COL5A2: variants seen among roughly 807,000 people sequenced by gnomAD.
The protein encoded by COL5A2 is collagen alpha-2(V) chain.
In COL5A2, 23 loss-of-function variants were observed where a neutral mutation model predicts 208.2. The ratio of observed to expected loss-of-function variants is 0.11; its 90% confidence interval spans 0.08 to 0.16. The LOEUF is 0.16. Among genes scored for constraint, COL5A2 ranks in the 10% least tolerant of loss-of-function variants. COL5A2 has a pLI of 1.00. For synonymous variants in COL5A2, 625 were observed against 628.5 expected, an observed-to-expected ratio of 0.99 and a Z score of 0.08; for missense variants, 1,590 against 1,956.4, an observed-to-expected ratio of 0.81 and a Z score of 3.53.
the COL5A2 span, among the ~76,000 whole-genome samples, chr2:189,410,508 A>G: frequency 6.6e-6 from 1 of 152,110 alleles, no homozygotes; most frequent in Non-Finnish European, 1.5e-5. Context: ...CGAGGCTGCA[A>G]TGAGCTATGA....
At chr2:189,124,291 G>A (rs1405341685) in intron 1 of COL5A2, among the ~76,000 whole-genome samples, 4 of 151,942 alleles carry the variant, frequency 2.6e-5, no homozygotes, top group Admixed American at 2.6e-4. Context: ...GCTAATATCC[G>A]GTGAAATTCC....
At chr2:189,247,835 A>G in the COL5A2 span, among the ~76,000 whole-genome samples, 2 of 152,124 alleles carry the variant, frequency 1.3e-5, no homozygotes, top group Non-Finnish European at 2.9e-5. Context: ...GCATCTCAGC[A>G]TCCCAAAGTG....
intron 1 of COL5A2, among the ~76,000 whole-genome samples, chr2:189,127,285 T>C (rs1687625631): frequency 6.6e-6 from 1 of 152,118 alleles, no homozygotes; most frequent in Non-Finnish European, 1.5e-5. Flanking sequence ...AGATTTCTGA[T>C]GGCCTTCAGT....
chr2:189,175,334 A>G (rs940011355), intron 1 of COL5A2, among the ~76,000 whole-genome samples: 3 of 151,920 alleles, frequency 2.0e-5, no homozygotes, highest in Non-Finnish European at 4.4e-5. Context: ...TTTGTTTTCC[A>G]TCCTCTATCC....
chr2:189,179,294 T>C (rs1172287831), intron 1 of COL5A2, among the ~76,000 whole-genome samples: 1 of 152,188 alleles, frequency 6.6e-6, no homozygotes, highest in Non-Finnish European at 1.5e-5. Context: ...CAGAAAAATT[T>C]AGTAGTGTAC....
At chr2:189,122,005 G>A (rs982831876) in intron 1 of COL5A2, among the ~76,000 whole-genome samples, 3 of 152,060 alleles carry the variant, frequency 2.0e-5, no homozygotes, top group African/African-American at 7.2e-5. Context: ...TATTTATTGA[G>A]TCTACTTACT....
intron 1 of COL5A2, among the ~76,000 whole-genome samples, chr2:189,122,161 C>T (rs987442850): frequency 6.6e-6 from 1 of 152,126 alleles, no homozygotes; most frequent in Non-Finnish European, 1.5e-5. Context: ...ATCTTCTATC[C>T]AGTTGTTTCT....
At chr2:189,217,088 T>C (rs73034886) in intron 1 of COL5A2, among the ~76,000 whole-genome samples, 1 of 152,132 alleles carries the variant, frequency 6.6e-6, no homozygotes, top group Non-Finnish European at 1.5e-5. Context: ...AAATTAACAC[T>C]CTGTTTCATT....
the COL5A2 span, among the ~76,000 whole-genome samples, chr2:189,239,891 G>A: frequency 6.6e-6 from 1 of 151,046 alleles, no homozygotes; most frequent in Non-Finnish European, 1.5e-5. Context: ...ATCTCCAGAA[G>A]GAACAAAGCC....
At chr2:189,307,259 C>T in the COL5A2 span, among the ~76,000 whole-genome samples, 1 of 151,966 alleles carries the variant, frequency 6.6e-6, no homozygotes, top group East Asian at 1.9e-4. Context: ...CAATTGTGTA[C>T]TCTGGTTACA....
intron 1 of COL5A2, among the ~76,000 whole-genome samples, chr2:189,195,368 C>T (rs1470542849): frequency 2.0e-5 from 3 of 152,058 alleles, no homozygotes; most frequent in East Asian, 1.9e-4. Context: ...GAATTAATAT[C>T]GTGAAAATGG....
At chr2:189,227,312 T>C (rs907349260), upstream of COL5A2, among the ~76,000 whole-genome samples, 3 of 152,106 alleles carry the variant, frequency 2.0e-5, no homozygotes, top group African/African-American at 7.2e-5. Context: ...ATAAAGATGC[T>C]CAGTAAGCTC....
At chr2:189,351,757 A>T in the COL5A2 span, among the ~76,000 whole-genome samples, 1 of 152,188 alleles carries the variant, frequency 6.6e-6, no homozygotes, top group Admixed American at 6.5e-5. Context: ...GGAAGGAAGA[A>T]AAAAGGAAGC....
intron 45 of COL5A2, among the ~76,000 whole-genome samples, chr2:189,047,120 CAA>C (rs57456004): frequency 5.6e-4 from 61 of 109,238 alleles, no homozygotes; most frequent in Non-Finnish European, 4.6e-4. Flanking sequence ...GACTCTGTCT[CAA>C]AAAAAAAAAA....
the COL5A2 span, among the ~76,000 whole-genome samples, chr2:189,425,217 G>T: frequency 2.6e-4 from 40 of 152,292 alleles, no homozygotes; most frequent in African/African-American, 9.1e-4. Context: ...TGGCAAAGAT[G>T]TGAAGAAAAG....
chr2:189,435,729 G>A, the COL5A2 span, among the ~76,000 whole-genome samples: 3 of 152,182 alleles, frequency 2.0e-5, no homozygotes, highest in Non-Finnish European at 4.4e-5. Flanking sequence ...ACTGTTGGTG[G>A]GACGGTAAAC....
the COL5A2 span, among the ~76,000 whole-genome samples, chr2:189,416,316 G>A: frequency 2.0e-5 from 3 of 152,100 alleles, no homozygotes; most frequent in Admixed American, 1.3e-4. Flanking sequence ...CAACCCAAAT[G>A]CCCAACAATG....
the COL5A2 span, among the ~76,000 whole-genome samples, chr2:189,349,157 G>T: frequency 1.1e-4 from 16 of 152,196 alleles, no homozygotes; most frequent in South Asian, 8.3e-4. Context: ...TGTCTTGTCA[G>T]ATGATTCCTT....
chr2:189,318,325 T>C, the COL5A2 span, among the ~76,000 whole-genome samples: 1 of 152,252 alleles, frequency 6.6e-6, no homozygotes, highest in Non-Finnish European at 1.5e-5. Flanking sequence ...ACCTATATAA[T>C]GCTGACTTAT....
Sources: allele counts gnomAD v4.1 joint callset (sites outside exome capture counted in the v4.1 genomes callset), GRCh38; gene constraint gnomAD v4.1.1; transcripts MANE v1.5; gene names NCBI Gene and HGNC (gene_info 2026-07-23, HGNC 2026-07-21).